Variants in RABGAP1L observed in about 807,000 individuals in gnomAD.
The protein encoded by RABGAP1L is rab GTPase-activating protein 1-like.
RABGAP1L carries 63 observed loss-of-function variants against 137.7 expected under a neutral mutation model. The observed-to-expected ratio is 0.46, with a 90% confidence interval of 0.37 to 0.56. The LOEUF (loss-of-function observed/expected upper bound fraction) is 0.56. Ranked by LOEUF, RABGAP1L falls within the 20% of genes least tolerant of loss-of-function variation. The pLI is 0.00. For synonymous variants in RABGAP1L, 431 were observed against 433.7 expected (o/e 0.99, Z 0.08); for missense variants, 1,095 against 1,244.0 (o/e 0.88, Z 1.80).
chr1:174,457,026 A>G (rs1327557603), intron 13 of RABGAP1L, among the ~76,000 whole-genome samples: 1 of 152,214 alleles, frequency 6.6e-6, no homozygotes, highest in African/African-American at 2.4e-5. Flanking sequence ...AGAGTAACTC[A>G]TTGAATTGTG....
chr1:174,394,167 ATTAT>A, intron 13 of RABGAP1L, 22 bp downstream of exon 13: 1 of 1,604,166 alleles, frequency 6.2e-7, no homozygotes, highest in Non-Finnish European at 8.5e-7. Context: ...TTCTTTTCAT[ATTAT>A]TTTCATTGGA....
intron 13 of RABGAP1L, among the ~76,000 whole-genome samples, chr1:174,456,228 T>G (rs1656026941): frequency 6.6e-6 from 1 of 152,058 alleles, no homozygotes; most frequent in African/African-American, 2.4e-5. Context: ...TAACAGTTTT[T>G]TATCCATAGA....
At chr1:174,853,037 C>G (rs1648642964) in intron 19 of RABGAP1L, among the ~76,000 whole-genome samples, 1 of 151,734 alleles carries the variant, frequency 6.6e-6, no homozygotes, top group East Asian at 1.9e-4. Flanking sequence ...TTTAATGTTT[C>G]TAAAAGGAAT....
At chr1:174,402,152 T>C (rs1159811252) in intron 13 of RABGAP1L, among the ~76,000 whole-genome samples, 6 of 152,176 alleles carry the variant, frequency 3.9e-5, no homozygotes, top group Non-Finnish European at 2.9e-5. Flanking sequence ...ATCCTTTCCA[T>C]GTAAGCCTCA....
intron 20 of RABGAP1L, among the ~76,000 whole-genome samples, chr1:174,960,057 A>G (rs1424636465): frequency 6.6e-6 from 1 of 152,178 alleles, no homozygotes; most frequent in Admixed American, 6.5e-5. Context: ...CTTTGAGGGC[A>G]TTGAGTGAGA....
chr1:174,541,557 AC>A (rs1229578005), intron 13 of RABGAP1L, among the ~76,000 whole-genome samples: 1 of 152,154 alleles, frequency 6.6e-6, no homozygotes, highest in African/African-American at 2.4e-5. Flanking sequence ...CAGGCATATC[AC>A]GAGGTCAGGA....
intron 19 of RABGAP1L, among the ~76,000 whole-genome samples, chr1:174,879,259 C>T (rs997494451): frequency 2.0e-5 from 3 of 152,154 alleles, no homozygotes; most frequent in African/African-American, 7.2e-5. Flanking sequence ...CACCACCATG[C>T]CCAGCTAATT....
At chr1:174,710,241 A>G (rs921850890) in intron 17 of RABGAP1L, among the ~76,000 whole-genome samples, 1 of 152,228 alleles carries the variant, frequency 6.6e-6, no homozygotes. Flanking sequence ...AACACACTTC[A>G]GGATATTATC....
chr1:174,422,589 A>G (rs1651448084), intron 13 of RABGAP1L, among the ~76,000 whole-genome samples: 1 of 152,120 alleles, frequency 6.6e-6, no homozygotes, highest in African/African-American at 2.4e-5. Context: ...TACAGGCCCA[A>G]GAGAAGTTAT....
chr1:174,877,582 G>A, intron 19 of RABGAP1L: 2 of 1,613,592 alleles, frequency 1.2e-6, no homozygotes, highest in Non-Finnish European at 1.7e-6. Context: ...TAGTCTGGTG[G>A]CCATCAGCAA....
chr1:174,944,116 T>TA (rs946254647), intron 19 of RABGAP1L, among the ~76,000 whole-genome samples: 6 of 150,788 alleles, frequency 4.0e-5, no homozygotes, highest in South Asian at 2.1e-4. Flanking sequence ...ACTAAAAGTA[T>TA]AAAAAAATTA....
intron 19 of RABGAP1L, among the ~76,000 whole-genome samples, chr1:174,840,670 G>T (rs1023993323): frequency 2.0e-5 from 3 of 150,628 alleles, no homozygotes; most frequent in Admixed American, 2.0e-4. Flanking sequence ...AAAAAATTTA[G>T]CTGGGCGTGG....
chr1:174,441,735 AAAACAAACAAAC>A, intron 13 of RABGAP1L, among the ~76,000 whole-genome samples: 1 of 152,138 alleles, frequency 6.6e-6, no homozygotes, highest in South Asian at 2.1e-4. Flanking sequence ...ACTCTGTCTC[AAAACAAACAAAC>A]AAACAAACAA....
intron 19 of RABGAP1L, among the ~76,000 whole-genome samples, chr1:174,889,305 G>C (rs1655717410): frequency 6.6e-6 from 1 of 151,920 alleles, no homozygotes; most frequent in Non-Finnish European, 1.5e-5. Context: ...TGTATGTTTA[G>C]TAGAGACAGG....
At chr1:174,183,975 C>T (rs918084279) in intron 1 of RABGAP1L, among the ~76,000 whole-genome samples, 3 of 150,682 alleles carry the variant, frequency 2.0e-5, no homozygotes, top group Non-Finnish European at 4.4e-5. Context: ...ACGCCATTCT[C>T]CTGCCTCAGC....
intron 19 of RABGAP1L, chr1:174,897,954 G>A (rs1657495311): frequency 6.9e-6 from 1 of 144,904 alleles, no homozygotes; most frequent in Non-Finnish European, 1.5e-5. Flanking sequence ...ACTCCAGCCT[G>A]GATGACAGAG....
chr1:174,765,903 G>A (rs1282923874), intron 18 of RABGAP1L, among the ~76,000 whole-genome samples: 1 of 152,074 alleles, frequency 6.6e-6, no homozygotes, highest in Non-Finnish European at 1.5e-5. Flanking sequence ...ATGATGTAAG[G>A]CAGGGCATTA....
At chr1:174,620,358 G>T (rs560104654) in intron 13 of RABGAP1L, among the ~76,000 whole-genome samples, 59 of 152,124 alleles carry the variant, frequency 3.9e-4, no homozygotes, top group East Asian at 9.7e-4. Context: ...ACCACACCTA[G>T]TCCATAATTG....
chr1:174,223,295 TA>T (rs1669907454), intron 3 of RABGAP1L, among the ~76,000 whole-genome samples: 1 of 65,516 alleles, frequency 1.5e-5, no homozygotes, highest in Admixed American at 1.8e-4. Flanking sequence ...AAAAAAAAAT[TA>T]GCTGGGCAGG....
Sources: allele counts gnomAD v4.1 joint callset (sites outside exome capture counted in the v4.1 genomes callset), GRCh38; gene constraint gnomAD v4.1.1; transcripts MANE v1.5; gene names NCBI Gene and HGNC (gene_info 2026-07-23, HGNC 2026-07-21).